The following SYNE1 variants were observed in gnomAD, a reference collection of about 807,000 sequenced individuals.
The protein encoded by SYNE1 is nesprin-1.
SYNE1 carries 616 observed loss-of-function variants against 1,111.0 expected under a neutral mutation model. The observed-to-expected ratio is 0.55, with a 90% CI of 0.52 to 0.59. The LOEUF is 0.59. Among genes scored for constraint, SYNE1 ranks in the 20% least tolerant of loss-of-function variants. SYNE1 has a pLI of 0.00. For synonymous variants in SYNE1, 3,855 were observed against 3,825.8 expected, an observed-to-expected ratio of 1.01 and a Z score of -0.28; for missense variants, 10,006 against 10,417.0, an observed-to-expected ratio of 0.96 and a Z score of 1.72.
chr6:152,444,276 T>C (rs1227634289), intron 30 of SYNE1, 135 bp downstream of exon 30: 2 of 924,256 alleles, frequency 2.2e-6, no homozygotes, highest in African/African-American at 3.3e-5. Flanking sequence ...CCAAATTCTT[T>C]TAGCCATTCA....
At chr6:152,489,373 G>T (rs1479337500) in intron 11 of SYNE1, among the ~76,000 whole-genome samples, 1 of 151,682 alleles carries the variant, frequency 6.6e-6, no homozygotes, top group Non-Finnish European at 1.5e-5. Context: ...TTTCCGAATG[G>T]AAAGAATGCC....
At chr6:152,394,073 G>A (rs537806379) in intron 51 of SYNE1, among the ~76,000 whole-genome samples, 18 of 152,198 alleles carry the variant, frequency 1.2e-4, no homozygotes, top group East Asian at 5.8e-4. Flanking sequence ...GAGAACATGC[G>A]GTGTTTGGTT....
At chr6:152,322,012 T>C in intron 82 of SYNE1, 126 bp from the exon 83 acceptor site, 1 of 945,162 alleles carries the variant, frequency 1.1e-6, no homozygotes, top group Non-Finnish European at 1.7e-6. Context: ...GAAAAGACAC[T>C]TCCTCAACAC....
chr6:152,217,349 T>C (rs1361296338), intron 121 of SYNE1, among the ~76,000 whole-genome samples: 4 of 149,328 alleles, frequency 2.7e-5, no homozygotes, highest in Admixed American at 1.3e-4. Context: ...TGAGCCGAGA[T>C]TGCACCACTG....
At chr6:152,308,020 A>G in intron 91 of SYNE1, among the ~76,000 whole-genome samples, 1 of 152,044 alleles carries the variant, frequency 6.6e-6, no homozygotes, top group East Asian at 1.9e-4. Context: ...TTTAGTAGAG[A>G]CGGGGTTTCA....
At chr6:152,223,869 C>T (rs1021242248) in intron 117 of SYNE1, among the ~76,000 whole-genome samples, 9 of 152,072 alleles carry the variant, frequency 5.9e-5, no homozygotes, top group African/African-American at 1.9e-4. Flanking sequence ...GAGAGTGGCC[C>T]GGTGCACAGG....
chr6:152,294,503 C>T (rs1348655081), intron 93 of SYNE1, among the ~76,000 whole-genome samples: 3 of 151,864 alleles, frequency 2.0e-5, no homozygotes, highest in Non-Finnish European at 4.4e-5. Context: ...AAAATGTTGT[C>T]GAATGTATTC....
chr6:152,184,644 ATAGATAG>A (rs2069217230), intron 128 of SYNE1, among the ~76,000 whole-genome samples: 1 of 144,444 alleles, frequency 6.9e-6, no homozygotes, highest in Non-Finnish European at 1.5e-5. Flanking sequence ...AGATAGATAG[ATAGATAG>A]ATAGATAGAT....
At chr6:152,255,301 T>C (rs908477462) in intron 103 of SYNE1, among the ~76,000 whole-genome samples, 1 of 152,356 alleles carries the variant, frequency 6.6e-6, no homozygotes, top group African/African-American at 2.4e-5. Context: ...ATGAGCAATG[T>C]AAAGTGCTAT....
rs9397512 is a variant in SYNE1 at position 152,484,754 on chromosome 6, C to T, written c.1185+81G>A. ...AGAGGCAGTAGAACCTGTTGCCATA[C>T]CACTGTGTAGAAATAGATGATGAAA... On this transcript the variant is annotated intron_variant, in intron 13 of 145. Coordinates refer to ENST00000367255, the MANE Select transcript of SYNE1 (RefSeq NM_182961.4). 658,610 of 1,474,156 alleles carry T rather than the reference C, an allele frequency of 0.45. 154,778 individuals are homozygous for T. The highest frequency in any genetic ancestry group is 0.78 in the East Asian group (33,346 of 42,918). The allele number at this position is 1,474,156 out of a possible 1,614,324, so 91.3% of individuals were successfully genotyped here.
In SYNE1 at chr6:152,331,587, G is replaced by A. The variant is rs750033402; in HGVS notation, c.13098C>T (p.Asn4366=). 9 of 1,614,150 alleles carry A rather than the reference G, an allele frequency of 5.6e-6. No individual in the cohort carries two copies. In the East Asian group the frequency reaches 1.8e-4, roughly 32 times the overall value. Reference sequence around the variant, plus strand: ...GGCTCTGCTTAAGGGCCTCGGCGATGTTGGGTTGTTGCTCTTCTGCCCACT... The same window carrying A: ...GGCTCTGCTTAAGGGCCTCGGCGATATTGGGTTGTTGCTCTTCTGCCCACT... ...LMEWAEEQQP[N]IAEALKQSPP... Residue 4366 remains asparagine, a synonymous_variant, in exon 78 of 146, where the codon AAC becomes AAT. Transcript: ENST00000367255.
At chr6:152,341,163 A>G (rs555352351) in intron 74 of SYNE1, among the ~76,000 whole-genome samples, 32 of 152,292 alleles carry the variant, frequency 2.1e-4, no homozygotes, top group African/African-American at 7.7e-4. Flanking sequence ...CACCTTTTCA[A>G]TTGAATGTAC....
chr6:152,201,217 C>T (rs1001762881), intron 127 of SYNE1, among the ~76,000 whole-genome samples: 2 of 152,058 alleles, frequency 1.3e-5, no homozygotes, highest in Admixed American at 1.3e-4. Flanking sequence ...AATCTTATAG[C>T]CACTGAATTG....
chr6:152,519,645 A>G (rs559519801), intron 6 of SYNE1, among the ~76,000 whole-genome samples: 1 of 152,216 alleles, frequency 6.6e-6, no homozygotes, highest in South Asian at 2.1e-4. Context: ...ACAGAAAATC[A>G]TTAGGCAAGT....
chr6:152,602,716 T>C (rs1402283059), intron 3 of SYNE1, among the ~76,000 whole-genome samples: 1 of 152,208 alleles, frequency 6.6e-6, no homozygotes, highest in Non-Finnish European at 1.5e-5. Flanking sequence ...GATCTGAAAC[T>C]AGACCCACAG....
chr6:152,277,873 C>G, intron 98 of SYNE1: 1 of 623,042 alleles, frequency 1.6e-6, no homozygotes, highest in Admixed American at 2.2e-5. Flanking sequence ...CTCCGCTGAA[C>G]AGCTGTTGTT....
intron 3 of SYNE1, among the ~76,000 whole-genome samples, chr6:152,549,114 AC>A (rs2099328317): frequency 6.6e-6 from 1 of 152,236 alleles, no homozygotes; most frequent in Non-Finnish European, 1.5e-5. Flanking sequence ...GAACTCAGCC[AC>A]AGGTGAACCC....
At position 152,430,177 on chromosome 6, in the gene SYNE1, G is replaced by A. The variant is rs200424447; in HGVS notation, c.4723C>T (p.Leu1575Phe). The change falls in exon 36 of 146, where the codon CTT becomes TTT. Residue 1575 changes from leucine (L) to phenylalanine (F), a missense_variant. Physicochemically the swap from Leu to Phe is conservative, Grantham distance 22. Coordinates refer to ENST00000367255, the MANE Select transcript of SYNE1 (RefSeq NM_182961.4). ...GAACATATTTTAATTGGAACAGCAAGTTTATCTTCAAATTCAGACACAGAT... is the reference window on the plus strand; with the variant it reads ...GAACATATTTTAATTGGAACAGCAAATTTATCTTCAAATTCAGACACAGAT... Reference protein sequence around the residue: ...QQSVSEFEDKLAVPIKICSSA... With the variant: ...QQSVSEFEDKFAVPIKICSSA... The A allele has an allele frequency of 1.1e-4, 174 of 1,604,858 alleles. 4 individuals carry two copies. In the East Asian group the frequency reaches 3.6e-3, roughly 33 times the overall value.
chr6:152,255,906 T>C (rs1470337841), intron 102 of SYNE1, among the ~76,000 whole-genome samples, 160 bp from the exon 103 acceptor site: 1 of 152,206 alleles, frequency 6.6e-6, no homozygotes, highest in African/African-American at 2.4e-5. Flanking sequence ...AAGACTGGCC[T>C]GGCCAATAGG....
Sources: allele counts gnomAD v4.1 joint callset (sites outside exome capture counted in the v4.1 genomes callset), GRCh38; gene constraint gnomAD v4.1.1; transcripts MANE v1.5; gene names NCBI Gene and HGNC (gene_info 2026-07-23, HGNC 2026-07-21).